Variants in CUBN observed in about 807,000 individuals in gnomAD.
The protein encoded by CUBN is cubilin.
Under a neutral mutation model 405.3 loss-of-function variants are expected in CUBN, and 282 were observed. The observed-to-expected ratio is 0.70, with a 90% CI of 0.63 to 0.77. The LOEUF is 0.77. CUBN is among the 30% of genes least tolerant of loss of function. The pLI, the probability that CUBN is intolerant of heterozygous loss-of-function variation, is 0.00. For synonymous variants in CUBN, 1,684 were observed against 1,617.0 expected (o/e 1.04, Z -0.99); for missense variants, 4,514 against 4,475.2 (o/e 1.01, Z -0.25).
chr10:16,990,616 C>T (rs1266902370), intron 28 of CUBN, 101 bp from the exon 29 acceptor site: 2 of 939,228 alleles, frequency 2.1e-6, no homozygotes, highest in Non-Finnish European at 3.3e-6. Flanking sequence ...ATATACAATG[C>T]TTAATTTAGG....
intron 59 of CUBN, among the ~76,000 whole-genome samples, chr10:16,863,233 G>A (rs1368007405): frequency 6.6e-6 from 1 of 152,128 alleles, no homozygotes; most frequent in Non-Finnish European, 1.5e-5. Flanking sequence ...ATCCCCCAAG[G>A]GAAGTCTAAT....
chr10:17,001,025 T>C (rs547589942), intron 28 of CUBN, among the ~76,000 whole-genome samples: 166 of 152,294 alleles, frequency 1.1e-3, no homozygotes, highest in Middle Eastern at 3.4e-3. Flanking sequence ...CGGAGTTTCT[T>C]CCTTCTGGTG....
At chr10:16,920,415 G>A (rs1051764939) in intron 43 of CUBN, among the ~76,000 whole-genome samples, 10 of 152,094 alleles carry the variant, frequency 6.6e-5, no homozygotes, top group African/African-American at 2.2e-4. Context: ...CATGGTGCAC[G>A]GGGCAGAACA....
At chr10:16,934,142 GGA>G (rs1057053356) in intron 39 of CUBN, among the ~76,000 whole-genome samples, 1 of 152,120 alleles carries the variant, frequency 6.6e-6, no homozygotes, top group Non-Finnish European at 1.5e-5. Flanking sequence ...AAAGCTAGGA[GGA>G]GAGAGAGAGA....
In CUBN at chr10:17,129,496, C is replaced by A. The variant is rs80122158; in HGVS notation, c.122+148G>T. On this transcript the variant is annotated intron_variant, in intron 1 of 66. Coordinates refer to ENST00000377833, the MANE Select transcript of CUBN (RefSeq NM_001081.4). Reference sequence around the variant, plus strand: ...TAATTTGTGCATAGGAAAGTAATTTCATACCTCAGTCTAAATGTTTTTCCC... The same window carrying A: ...TAATTTGTGCATAGGAAAGTAATTTAATACCTCAGTCTAAATGTTTTTCCC... 8,424 of 1,104,398 alleles carry A rather than the reference C, an allele frequency of 7.6e-3. 438 individuals carry two copies. In the African/African-American group the frequency reaches 0.11, roughly 15 times the overall value. The allele number at this position is 1,104,398 out of a possible 1,614,324, so 68.4% of individuals were successfully genotyped here. A position where few individuals can be genotyped will look rare whatever the true frequency, so the allele number is the denominator to read the frequency against.
At chr10:17,013,897 G>A (rs559832846) in intron 28 of CUBN, among the ~76,000 whole-genome samples, 38 of 152,302 alleles carry the variant, frequency 2.5e-4, no homozygotes, top group African/African-American at 8.9e-4. Context: ...GATTAGCTAA[G>A]GGGACTTGTA....
At chr10:16,938,375 T>A (rs988949476) in intron 38 of CUBN, among the ~76,000 whole-genome samples, 1 of 152,200 alleles carries the variant, frequency 6.6e-6, no homozygotes, top group Admixed American at 6.5e-5. Flanking sequence ...AATTTTTAAA[T>A]AGCTCAGGAC....
At chr10:17,115,690 A>C in intron 6 of CUBN, 93 bp from the exon 7 acceptor site, 2 of 1,469,250 alleles carry the variant, frequency 1.4e-6, no homozygotes, top group Non-Finnish European at 1.9e-6. Context: ...TCAAATTACA[A>C]ATCAACGATG....
chr10:17,006,912 G>C (rs1482621495), intron 28 of CUBN, among the ~76,000 whole-genome samples: 2 of 152,156 alleles, frequency 1.3e-5, no homozygotes, highest in African/African-American at 2.4e-5. Context: ...TTTTTCCTTT[G>C]TGGAAATCCT....
chr10:17,099,154 T>C (rs1319868324), intron 14 of CUBN, among the ~76,000 whole-genome samples: 1 of 152,132 alleles, frequency 6.6e-6, no homozygotes, highest in Non-Finnish European at 1.5e-5. Context: ...AGCATCAGGA[T>C]AGATAAAAAC....
At chr10:16,869,911 G>A in intron 58 of CUBN, 58 bp from the exon 59 acceptor site, 1 of 1,289,410 alleles carries the variant, frequency 7.8e-7, no homozygotes, top group Non-Finnish European at 1.1e-6. Context: ...TTAAATTGTA[G>A]CTTTAGCTCT....
At chr10:16,884,523 A>G (rs1367393111) in intron 56 of CUBN, among the ~76,000 whole-genome samples, 2 of 152,194 alleles carry the variant, frequency 1.3e-5, no homozygotes, top group Non-Finnish European at 2.9e-5. Flanking sequence ...CAAAATGAGG[A>G]CAAACATCAA....
At chr10:16,877,827 A>G (rs1274248993) in intron 56 of CUBN, among the ~76,000 whole-genome samples, 12 of 152,242 alleles carry the variant, frequency 7.9e-5, no homozygotes, top group African/African-American at 2.4e-5. Flanking sequence ...TGTGTCCACT[A>G]CAACATATCC....
At chr10:16,865,330 G>A (rs1349263522) in intron 59 of CUBN, among the ~76,000 whole-genome samples, 1 of 152,036 alleles carries the variant, frequency 6.6e-6, no homozygotes, top group African/African-American at 2.4e-5. Context: ...TTATATATGT[G>A]CTTGGGTATT....
intron 43 of CUBN, among the ~76,000 whole-genome samples, chr10:16,922,586 G>C (rs776901430): frequency 6.6e-6 from 1 of 152,148 alleles, no homozygotes; most frequent in Admixed American, 6.5e-5. Context: ...CCAGGGCCCT[G>C]AGCAGAGTGA....
chr10:17,046,988 T>C (rs184448383), intron 23 of CUBN, among the ~76,000 whole-genome samples: 18 of 152,332 alleles, frequency 1.2e-4, no homozygotes, highest in Admixed American at 6.5e-5. Context: ...TACCTGAACA[T>C]GAAAACTTTG....
At chr10:16,874,279 C>T (rs868056170) in intron 58 of CUBN, 95 bp downstream of exon 58, 22 of 1,292,790 alleles carry the variant, frequency 1.7e-5, no homozygotes, top group Middle Eastern at 2.0e-4. Context: ...TCCAGACTGC[C>T]GATGAGAATC....
At position 17,118,825 on chromosome 10, in the gene CUBN, A is replaced by G. The variant is rs142446337; in HGVS notation, c.594-3228T>C. On this transcript the variant is annotated intron_variant, in intron 6 of 66. Coordinates refer to ENST00000377833, the MANE Select transcript of CUBN (RefSeq NM_001081.4). ...GGCCTTTAAAAATGAACAATTACTTATATACCTCCCTAAGTGAAAATAAAA... is the reference window on the plus strand; with the variant it reads ...GGCCTTTAAAAATGAACAATTACTTGTATACCTCCCTAAGTGAAAATAAAA... 1.9e-3 allele frequency among the ~76,000 whole-genome samples: 282 copies of G among 152,344 alleles called. 1 individual carries two copies. The Middle Eastern group carries it at 0.024, about 13-fold the overall frequency.
chr10:16,939,205 T>C, intron 37 of CUBN, 58 bp from the exon 38 acceptor site: 1 of 1,393,044 alleles, frequency 7.2e-7, no homozygotes. Flanking sequence ...TTTAATCAAA[T>C]GAAAAAAACA....
Sources: gnomAD v4.1 joint callset for allele counts (sites outside exome capture counted in the v4.1 genomes callset) on GRCh38, gnomAD v4.1.1 for gene constraint, MANE v1.5 for transcripts, NCBI Gene and HGNC (gene_info 2026-07-23, HGNC 2026-07-21) for gene names.